DENND1B: variants seen among roughly 807,000 people sequenced by gnomAD.
DENND1B encodes DENN domain-containing protein 1B.
A neutral mutation model predicts 90.1 loss-of-function variants in DENND1B; 59 were observed. The observed-to-expected ratio is 0.65, with a 90% CI of 0.53 to 0.81. The LOEUF is 0.81. Among genes scored for constraint, DENND1B ranks in the 40% least tolerant of loss-of-function variants. The probability of loss-of-function intolerance (pLI) is 0.00; values close to 1 mark genes in which losing one functional copy is unlikely to be tolerated. For synonymous variants in DENND1B, 337 were observed against 324.6 expected, an observed-to-expected ratio of 1.04 and a Z score of -0.41; for missense variants, 862 against 912.6, an observed-to-expected ratio of 0.94 and a Z score of 0.71.
chr1:197,668,091 A>T, intron 5 of DENND1B, among the ~76,000 whole-genome samples: 1 of 152,320 alleles, frequency 6.6e-6, no homozygotes, highest in Non-Finnish European at 1.5e-5. Flanking sequence ...ATACATTTAC[A>T]TACACATATA....
rs779363166 is a variant in DENND1B at position 197,510,502 on chromosome 1, GC to G, written c.2285del (p.Ser762ThrfsTer2). Reference sequence around the variant, plus strand: ...TTGTGTTTTTGTCTGAAATGTTCAAGCTTTGTTGGAAGTCAGATGTCATATG... The same window carrying G: ...TTGTGTTTTTGTCTGAAATGTTCAAGTTTGTTGGAAGTCAGATGTCATATG... ...LCHMTSDFQQSLNISDKNTNG... is the reference protein window; with the variant it reads ...LCHMTSDFQQXLNISDKNTNG... On this transcript the variant is annotated frameshift_variant, in exon 23 of 23. Coordinates refer to ENST00000620048, the MANE Select transcript of DENND1B (RefSeq NM_001195215.2). LOFTEE classifies it low-confidence loss of function (END_TRUNC). 22 of 1,610,936 alleles carry G rather than the reference GC, an allele frequency of 1.4e-5. No individual in the cohort carries two copies. Among genetic ancestry groups the G allele is most frequent in the Non-Finnish European group, 1.5e-5 (18 of 1,178,410 alleles).
upstream of DENND1B, among the ~76,000 whole-genome samples, chr1:197,779,756 T>C (rs1389276797): frequency 6.6e-6 from 1 of 151,526 alleles, no homozygotes; most frequent in East Asian, 1.9e-4. Context: ...TTTCAGCATC[T>C]CTTTAATTTA....
chr1:197,776,596 A>G (rs1236398617), upstream of DENND1B, among the ~76,000 whole-genome samples: 1 of 152,194 alleles, frequency 6.6e-6, no homozygotes, highest in Admixed American at 6.5e-5. Context: ...AGAGGAAACC[A>G]AATGTGGTAT....
At chr1:197,544,622 A>G (rs1185900235) in intron 18 of DENND1B, among the ~76,000 whole-genome samples, 2 of 152,054 alleles carry the variant, frequency 1.3e-5, no homozygotes, top group African/African-American at 4.8e-5. Context: ...AGAAAGAAGA[A>G]TTGTCTTGGG....
intron 15 of DENND1B, among the ~76,000 whole-genome samples, chr1:197,562,669 C>T (rs1475490633): frequency 6.6e-6 from 1 of 151,724 alleles, no homozygotes; most frequent in East Asian, 1.9e-4. Flanking sequence ...TTTCCTATTC[C>T]CTAATTAATA....
chr1:197,650,717 G>A (rs765828377), intron 7 of DENND1B, among the ~76,000 whole-genome samples: 3 of 152,084 alleles, frequency 2.0e-5, no homozygotes, highest in Non-Finnish European at 4.4e-5. Context: ...CATTTGCAGC[G>A]ACCTGGATGA....
At chr1:197,626,567 G>C (rs1558322635) in intron 10 of DENND1B, among the ~76,000 whole-genome samples, 1 of 152,120 alleles carries the variant, frequency 6.6e-6, no homozygotes, top group East Asian at 1.9e-4. Flanking sequence ...GCCCTCAAGA[G>C]AAAGCAGGAA....
intron 14 of DENND1B, among the ~76,000 whole-genome samples, chr1:197,588,794 GTA>G (rs1352048260): frequency 2.6e-5 from 4 of 152,094 alleles, no homozygotes; most frequent in South Asian, 4.1e-4. Context: ...TACTTTCAGA[GTA>G]TATTAACCAT....
At chr1:197,620,559 C>T (rs1013197018) in intron 10 of DENND1B, among the ~76,000 whole-genome samples, 6 of 151,284 alleles carry the variant, frequency 4.0e-5, no homozygotes, top group East Asian at 2.0e-4. Flanking sequence ...TGGTGGCTAA[C>T]GGAATACTAT....
intron 10 of DENND1B, among the ~76,000 whole-genome samples, 165 bp from the exon 11 acceptor site, chr1:197,617,924 A>G (rs1278133425): frequency 1.3e-5 from 2 of 151,256 alleles, no homozygotes; most frequent in Non-Finnish European, 3.0e-5. Flanking sequence ...TACATCTCAG[A>G]GGCCCCTCTG....
chr1:197,614,699 A>G (rs1299549851), intron 11 of DENND1B, among the ~76,000 whole-genome samples: 1 of 150,876 alleles, frequency 6.6e-6, no homozygotes, highest in African/African-American at 2.4e-5. Flanking sequence ...GACACAGACT[A>G]TAACAGCAGT....
At chr1:197,663,351 TTA>T (rs1654611290) in intron 5 of DENND1B, among the ~76,000 whole-genome samples, 2 of 152,158 alleles carry the variant, frequency 1.3e-5, no homozygotes, top group Admixed American at 1.3e-4. Flanking sequence ...CATTCATTTT[TTA>T]AATAAAAACA....
intron 10 of DENND1B, among the ~76,000 whole-genome samples, chr1:197,638,826 T>C (rs1437676905): frequency 6.6e-6 from 1 of 152,034 alleles, no homozygotes; most frequent in African/African-American, 2.4e-5. Context: ...GTTCCATGTG[T>C]ACTTGACAAT....
At chr1:197,694,743 C>T (rs1658257579) in intron 3 of DENND1B, among the ~76,000 whole-genome samples, 1 of 151,214 alleles carries the variant, frequency 6.6e-6, no homozygotes, top group South Asian at 2.1e-4. Context: ...TGCTGCATAA[C>T]ATCAGACCTT....
chr1:197,517,943 G>GTTTT (rs79603553), intron 20 of DENND1B, among the ~76,000 whole-genome samples: 1 of 151,612 alleles, frequency 6.6e-6, no homozygotes, highest in Non-Finnish European at 1.5e-5. Flanking sequence ...TTGTTTGTTT[G>GTTTT]TTTTTTAGTT....
chr1:197,567,062 C>T (rs771506094), intron 15 of DENND1B, among the ~76,000 whole-genome samples: 2 of 151,688 alleles, frequency 1.3e-5, no homozygotes, highest in African/African-American at 2.4e-5. Context: ...GCAATAGAAA[C>T]GATCAATGAA....
chr1:197,746,581 C>T (rs1558473439), intron 2 of DENND1B, among the ~76,000 whole-genome samples: 1 of 152,164 alleles, frequency 6.6e-6, no homozygotes, highest in African/African-American at 2.4e-5. Context: ...TTCAGTACGA[C>T]AAAGCCCTTA....
chr1:197,761,433 G>A (rs1354292639), intron 2 of DENND1B, among the ~76,000 whole-genome samples: 1 of 152,166 alleles, frequency 6.6e-6, no homozygotes, highest in East Asian at 1.9e-4. Flanking sequence ...TAATTTTAAT[G>A]CATAGACCTT....
At position 197,715,774 on chromosome 1, in the gene DENND1B, T is replaced by C. The variant is rs756054902; in HGVS notation, c.83-700A>G. The stretch of plus-strand genomic sequence containing the variant: ...TTTTCATTTTCTTTGTTTCTCACAG[T>C]ATTTCTCTTCTACTTAGCACACTAA... On this transcript the variant is annotated intron_variant, in intron 2 of 22. Coordinates refer to ENST00000620048, the MANE Select transcript of DENND1B (RefSeq NM_001195215.2). Among the ~76,000 whole-genome samples the C allele has an allele frequency of 1.4e-4, 22 of 151,998 alleles. 1 individual carries two copies. The highest frequency in any genetic ancestry group is 8.5e-4 in the Admixed American group (13 of 15,250).
Sources: allele counts gnomAD v4.1 joint callset (sites outside exome capture counted in the v4.1 genomes callset), GRCh38; gene constraint gnomAD v4.1.1; transcripts MANE v1.5; gene names NCBI Gene and HGNC (gene_info 2026-07-23, HGNC 2026-07-21).